The following TRRAP variants were observed in gnomAD, a reference collection of about 807,000 sequenced individuals.
TRRAP encodes the protein transformation/transcription domain-associated protein.
Under a neutral mutation model 438.8 loss-of-function variants are expected in TRRAP, and 41 were observed. The observed-to-expected ratio is 0.09, with a 90% CI of 0.07 to 0.12. The LOEUF is 0.12. TRRAP is among the 10% of genes least tolerant of loss of function. The pLI is 1.00. For missense variants in TRRAP, 3,122 were observed against 5,055.1 expected (o/e 0.62, Z 11.60); for synonymous variants, 1,994 against 1,962.9 (o/e 1.02, Z -0.42).
In TRRAP at chr7:98,914,302, AAG is replaced by A. The variant is rs369793918; in HGVS notation, c.2200-1414_2200-1413del. On this transcript the variant is annotated intron_variant, in intron 18 of 72. Coordinates refer to ENST00000456197, the MANE Select transcript of TRRAP (RefSeq NM_001375524.1). ...GTAGTCCCAGCTACTCAGGAAGCCGAAGAGAGAGGATCGTTTGAATGAGCCAG... is the reference window on the plus strand; with the variant it reads ...GTAGTCCCAGCTACTCAGGAAGCCGAAGAGAGGATCGTTTGAATGAGCCAG... 5.3e-3 allele frequency among the ~76,000 whole-genome samples: 801 copies of A among 152,214 alleles called. 3 individuals are homozygous for A. The highest frequency in any genetic ancestry group is 0.017 in the African/African-American group (706 of 41,514).
chr7:98,918,949 C>G (rs1291886298), intron 20 of TRRAP, among the ~76,000 whole-genome samples: 1 of 141,294 alleles, frequency 7.1e-6, no homozygotes, highest in African/African-American at 2.7e-5. Flanking sequence ...CCCAGCTACT[C>G]AGGAGGCTGA....
intron 1 of TRRAP, among the ~76,000 whole-genome samples, chr7:98,880,108 G>T (rs1306039214): frequency 3.3e-5 from 5 of 152,098 alleles, no homozygotes; most frequent in Non-Finnish European, 4.4e-5. Context: ...AGTTTCCCGT[G>T]CCCGTCACGT....
At chr7:98,899,021 C>G (rs1796353101) in intron 8 of TRRAP, among the ~76,000 whole-genome samples, 1 of 152,114 alleles carries the variant, frequency 6.6e-6, no homozygotes, top group East Asian at 1.9e-4. Flanking sequence ...AACCGCATCT[C>G]TACTAAAAAA....
intron 52 of TRRAP, 87 bp downstream of exon 52, chr7:98,970,378 C>A: frequency 2.0e-6 from 3 of 1,484,858 alleles, no homozygotes; most frequent in South Asian, 2.5e-5. Context: ...GGAGGTGAGA[C>A]CCCGTGCCCC....
chr7:98,999,224 C>T, intron 67 of TRRAP: 1 of 1,273,384 alleles, frequency 7.9e-7, no homozygotes, highest in South Asian at 1.2e-5. Flanking sequence ...GGCTTCACTC[C>T]AAGAAGTACA....
At chr7:98,914,742 A>AAC (rs1789443298) in intron 18 of TRRAP, among the ~76,000 whole-genome samples, 1 of 150,208 alleles carries the variant, frequency 6.7e-6, no homozygotes, top group Non-Finnish European at 1.5e-5. Context: ...AAAAAAAAAA[A>AAC]AAAAAGACAG....
intron 49 of TRRAP, among the ~76,000 whole-genome samples, chr7:98,966,578 A>G (rs964276694): frequency 2.0e-5 from 3 of 152,086 alleles, no homozygotes; most frequent in Non-Finnish European, 4.4e-5. Context: ...CCGGCTGCTC[A>G]GGATGCTGAG....
intron 11 of TRRAP, among the ~76,000 whole-genome samples, chr7:98,901,390 C>T (rs1414362660): frequency 6.6e-6 from 1 of 152,198 alleles, no homozygotes; most frequent in Non-Finnish European, 1.5e-5. Flanking sequence ...GATACAGTCA[C>T]ATATGGAGTT....
intron 53 of TRRAP, among the ~76,000 whole-genome samples, chr7:98,973,762 A>T (rs1312784755): frequency 1.3e-5 from 2 of 152,162 alleles, no homozygotes; most frequent in African/African-American, 4.8e-5. Context: ...GATGCGTGTC[A>T]CAGAGGAGAC....
At chr7:98,977,271 C>G (rs939461492) in intron 56 of TRRAP, among the ~76,000 whole-genome samples, 195 bp downstream of exon 56, 12 of 152,192 alleles carry the variant, frequency 7.9e-5, no homozygotes, top group Non-Finnish European at 1.2e-4. Context: ...AAGCGATTCT[C>G]CTGCCTCAGC....
intron 20 of TRRAP, among the ~76,000 whole-genome samples, chr7:98,921,461 C>T (rs112938512): frequency 1.3e-5 from 2 of 151,992 alleles, no homozygotes; most frequent in African/African-American, 4.8e-5. Context: ...CTACAACCTT[C>T]GCCTTCTGGG....
intron 21 of TRRAP, among the ~76,000 whole-genome samples, chr7:98,924,189 C>T (rs917229802): frequency 5.3e-5 from 8 of 152,282 alleles, no homozygotes; most frequent in South Asian, 2.1e-4. Context: ...TCTCCGAGCT[C>T]ACTTAGTTCC....
intron 22 of TRRAP, 123 bp from the exon 23 acceptor site, chr7:98,927,044 A>C: frequency 9.2e-7 from 1 of 1,088,062 alleles, no homozygotes; most frequent in Non-Finnish European, 1.3e-6. Context: ...AAAGCAGATA[A>C]ATTACCCAGG....
intron 30 of TRRAP, among the ~76,000 whole-genome samples, chr7:98,938,620 G>A (rs991227498): frequency 5.9e-5 from 9 of 152,138 alleles, no homozygotes; most frequent in African/African-American, 2.2e-4. Flanking sequence ...GTCAGTACCT[G>A]AAGTACTTCA....
At chr7:98,931,733 G>A in intron 26 of TRRAP, 68 bp downstream of exon 26, 1 of 1,572,374 alleles carries the variant, frequency 6.4e-7, no homozygotes, top group Admixed American at 1.8e-5. Context: ...TTAAATTTGA[G>A]TTGAGGTGAT....
chr7:98,961,512 T>C, intron 46 of TRRAP, 38 bp downstream of exon 46: 1 of 1,605,804 alleles, frequency 6.2e-7, no homozygotes, highest in Non-Finnish European at 8.5e-7. Context: ...TCTTTCAAAG[T>C]GGACGGTGGG....
chr7:98,983,794 G>A (rs577728601), intron 60 of TRRAP, among the ~76,000 whole-genome samples: 112 of 152,240 alleles, frequency 7.4e-4, no homozygotes, highest in African/African-American at 2.5e-3. Context: ...GCTCTGCGTG[G>A]CCTTTTCTGG....
At chr7:98,949,869 C>T (rs370345599) in intron 37 of TRRAP, 28 bp downstream of exon 37, 50 of 1,601,784 alleles carry the variant, frequency 3.1e-5, no homozygotes, top group African/African-American at 6.7e-5. Context: ...CCCTGCCCCG[C>T]GGGACTGGCT....
chr7:98,912,682 T>G (rs992547034), intron 18 of TRRAP, among the ~76,000 whole-genome samples: 1 of 152,150 alleles, frequency 6.6e-6, no homozygotes, highest in Admixed American at 6.5e-5. Context: ...GTTCTATTTT[T>G]AAAAATTTCA....
Sources: allele counts gnomAD v4.1 joint callset (sites outside exome capture counted in the v4.1 genomes callset), GRCh38; gene constraint gnomAD v4.1.1; transcripts MANE v1.5; gene names NCBI Gene and HGNC (gene_info 2026-07-23, HGNC 2026-07-21).